SRBD1: variants seen among roughly 807,000 people sequenced by gnomAD.
The protein encoded by SRBD1 is S1 RNA-binding domain-containing protein 1.
Under a neutral mutation model 115.3 loss-of-function variants are expected in SRBD1, and 88 were observed. That is an observed-to-expected ratio of 0.76 (90% CI 0.64 to 0.91). SRBD1 has a LOEUF of 0.91. Among genes scored for constraint, SRBD1 ranks in the 40% least tolerant of loss-of-function variants. The probability of loss-of-function intolerance (pLI) is 0.00; values close to 1 mark genes in which losing one functional copy is unlikely to be tolerated. For missense variants in SRBD1, 1,385 were observed against 1,177.4 expected, an observed-to-expected ratio of 1.18 and a Z score of -2.58; for synonymous variants, 509 against 407.7, an observed-to-expected ratio of 1.25 and a Z score of -2.99.
At chr2:45,581,201 C>T (rs1447010852) in intron 6 of SRBD1, among the ~76,000 whole-genome samples, 1 of 152,120 alleles carries the variant, frequency 6.6e-6, no homozygotes, top group Non-Finnish European at 1.5e-5. Flanking sequence ...TGTTCCAGGG[C>T]ACCATCATCT....
chr2:45,427,450 A>C (rs1449682535), intron 16 of SRBD1, among the ~76,000 whole-genome samples: 2 of 152,180 alleles, frequency 1.3e-5, no homozygotes, highest in Non-Finnish European at 2.9e-5. Flanking sequence ...GCAAATGGAA[A>C]GGAAAAATAA....
At chr2:45,531,704 C>T (rs1230561057) in intron 14 of SRBD1, among the ~76,000 whole-genome samples, 1 of 151,210 alleles carries the variant, frequency 6.6e-6, no homozygotes, top group Non-Finnish European at 1.5e-5. Context: ...AAGTTCTACC[C>T]CATATATTAA....
chr2:45,567,550 A>G (rs1179436200), intron 9 of SRBD1, among the ~76,000 whole-genome samples: 3 of 152,122 alleles, frequency 2.0e-5, no homozygotes, highest in Admixed American at 1.3e-4. Flanking sequence ...CGAAACTTGC[A>G]GTGAGGTGGG....
chr2:45,600,310 G>A (rs537341908), intron 3 of SRBD1, among the ~76,000 whole-genome samples: 1 of 119,820 alleles, frequency 8.3e-6, no homozygotes, highest in Non-Finnish European at 1.7e-5. Flanking sequence ...GCTACCATTC[G>A]GGAAAAAATG....
Position 45,454,713 on chromosome 2 carries a change from C to T in SRBD1, c.2049+22280G>A, listed in dbSNP as rs148146941. Among the ~76,000 whole-genome samples the T allele has an allele frequency of 2.0e-3, 309 of 151,894 alleles. 2 individuals are homozygous for T. The highest frequency in any genetic ancestry group is 7.3e-3 in the African/African-American group (301 of 41,488). On this transcript the variant is annotated intron_variant, in intron 16 of 20. Transcript: ENST00000263736. ...AGTTCCTCAGAGTTCTTACAATGCACGAACATTTGTTTGTCTACTTCTCAC... is the reference window on the plus strand; with the variant it reads ...AGTTCCTCAGAGTTCTTACAATGCATGAACATTTGTTTGTCTACTTCTCAC...
intron 1 of SRBD1, among the ~76,000 whole-genome samples, chr2:45,606,263 G>A (rs757504795): frequency 4.0e-5 from 6 of 150,296 alleles, no homozygotes; most frequent in Non-Finnish European, 5.9e-5. Context: ...GGGTTCAAGC[G>A]ATTCTCCTGC....
At chr2:45,518,656 G>A (rs1671191781) in intron 14 of SRBD1, among the ~76,000 whole-genome samples, 1 of 152,120 alleles carries the variant, frequency 6.6e-6, no homozygotes, top group Non-Finnish European at 1.5e-5. Context: ...ATCAACCAAG[G>A]AAACATCTTT....
chr2:45,518,640 G>C (rs542439030), intron 14 of SRBD1, among the ~76,000 whole-genome samples: 1 of 152,228 alleles, frequency 6.6e-6, no homozygotes, highest in South Asian at 2.1e-4. Flanking sequence ...TGGTGCCTTT[G>C]TAAGAATCAA....
rs1673727748 is a variant in SRBD1 at position 45,591,621 on chromosome 2, TAG to T, written c.649-5849_649-5848del. On this transcript the variant is annotated intron_variant, in intron 4 of 20. Transcript: ENST00000263736. ...GGATGAGGCTACATGGTGAATTCTA[TAG>T]AGTTTGAACTTGATATCCTATACTC... Among the ~76,000 whole-genome samples the T allele has an allele frequency of 2.0e-5, 3 of 152,270 alleles. No homozygotes were observed. In the East Asian group the frequency reaches 5.8e-4, roughly 29 times the overall value.
At chr2:45,414,691 CACACAT>C (rs1302288123) in intron 18 of SRBD1, among the ~76,000 whole-genome samples, 8 of 147,172 alleles carry the variant, frequency 5.4e-5, no homozygotes, top group African/African-American at 2.1e-4. Flanking sequence ...TATATACACA[CACACAT>C]AGTGTGTATA....
intron 14 of SRBD1, among the ~76,000 whole-genome samples, chr2:45,495,941 C>G (rs966489273): frequency 1.1e-4 from 16 of 152,102 alleles, no homozygotes; most frequent in African/African-American, 3.6e-4. Flanking sequence ...CACAAAGCAC[C>G]CAAAAGTTGC....
chr2:45,587,603 T>G (rs928911432), intron 4 of SRBD1, among the ~76,000 whole-genome samples: 1 of 152,124 alleles, frequency 6.6e-6, no homozygotes, highest in African/African-American at 2.4e-5. Context: ...CAAGTCCAGA[T>G]ACATAACAGA....
chr2:45,421,896 C>T (rs1668018872), intron 16 of SRBD1, among the ~76,000 whole-genome samples: 1 of 152,062 alleles, frequency 6.6e-6, no homozygotes, highest in Non-Finnish European at 1.5e-5. Flanking sequence ...ATCTAATAAG[C>T]AAATATCACC....
intron 19 of SRBD1, among the ~76,000 whole-genome samples, chr2:45,407,143 G>T: frequency 6.6e-6 from 1 of 152,150 alleles, no homozygotes; most frequent in East Asian, 1.9e-4. Flanking sequence ...TATACCTGAA[G>T]AAGTGGGAAT....
chr2:45,510,753 C>T (rs1014066127), intron 14 of SRBD1, among the ~76,000 whole-genome samples: 3 of 152,120 alleles, frequency 2.0e-5, no homozygotes, highest in Non-Finnish European at 4.4e-5. Flanking sequence ...GAGTAGCTAC[C>T]AATTAGTAAA....
intron 15 of SRBD1, among the ~76,000 whole-genome samples, chr2:45,485,161 C>T (rs1387794928): frequency 6.6e-6 from 1 of 152,070 alleles, no homozygotes; most frequent in Non-Finnish European, 1.5e-5. Flanking sequence ...GACTTTCAAC[C>T]AATACTTTCA....
Position 45,393,103 on chromosome 2 carries a change from A to G in SRBD1, c.2540T>C (p.Leu847Pro), listed in dbSNP as rs1279426535. 2 of 1,612,322 alleles carry G rather than the reference A, an allele frequency of 1.2e-6. No homozygotes were observed. The highest frequency in any genetic ancestry group is 1.1e-5 in the South Asian group (1 of 90,706). The change falls in exon 20 of 21, where the codon CTG becomes CCG. Residue 847 changes from leucine to proline, a missense_variant. Transcript: ENST00000263736. ...MRFLSSIGGT[L>P]YEVGKPEMQQ... Reference sequence around the variant, plus strand: ...CATTTCAGGCTTTCCAACCTCATACAGTGTCCCTCCAATGGATGACAAAAA... The same window carrying G: ...CATTTCAGGCTTTCCAACCTCATACGGTGTCCCTCCAATGGATGACAAAAA...
At chr2:45,442,612 T>C (rs536736120) in intron 16 of SRBD1, among the ~76,000 whole-genome samples, 4 of 152,188 alleles carry the variant, frequency 2.6e-5, no homozygotes, top group Non-Finnish European at 5.9e-5. Flanking sequence ...GAACCAAATG[T>C]TGGTCCTTAA....
At chr2:45,427,284 C>A (rs754870381) in intron 16 of SRBD1, among the ~76,000 whole-genome samples, 3 of 152,072 alleles carry the variant, frequency 2.0e-5, no homozygotes, top group Admixed American at 6.6e-5. Context: ...AGGATATTAA[C>A]CTTAAATGTA....
Sources: allele counts gnomAD v4.1 joint callset (sites outside exome capture counted in the v4.1 genomes callset), GRCh38; gene constraint gnomAD v4.1.1; transcripts MANE v1.5; gene names NCBI Gene and HGNC (gene_info 2026-07-23, HGNC 2026-07-21).